Variants in INTU observed in about 807,000 individuals in gnomAD.
INTU encodes protein inturned.
Under a neutral mutation model 100.5 loss-of-function variants are expected in INTU, and 68 were observed. The ratio of observed to expected loss-of-function variants is 0.68; its 90% CI spans 0.56 to 0.83. INTU has a LOEUF of 0.83. Among genes scored for constraint, INTU ranks in the 40% least tolerant of loss-of-function variants. The pLI is 0.00. For missense variants in INTU, 1,071 were observed against 1,114.7 expected, an observed-to-expected ratio of 0.96 and a Z score of 0.56; for synonymous variants, 357 against 395.7, an observed-to-expected ratio of 0.90 and a Z score of 1.16.
In INTU at chr4:127,720,768, G is replaced by A. The variant is rs1379518222; in HGVS notation, c.*4332G>A. On this transcript the variant is annotated 3_prime_UTR_variant, in exon 16 of 16. Coordinates refer to ENST00000335251, the MANE Select transcript of INTU (RefSeq NM_015693.4). ...TTTTTTTAATCTTTATTCGTTTAAA[G>A]TCTTTGTCAGAAACTAGGATTGCAG... 2 of 151,970 alleles carry A rather than the reference G, an allele frequency of 1.3e-5. No individual in the cohort carries two copies. The highest frequency in any genetic ancestry group is 2.9e-5 in the Non-Finnish European group (2 of 67,988). 9.4% of individuals were successfully genotyped at this position (151,970 alleles called of 1,614,324 possible).
At chr4:127,708,144 A>G (rs1402223047) in intron 12 of INTU, among the ~76,000 whole-genome samples, 1 of 152,258 alleles carries the variant, frequency 6.6e-6, no homozygotes, top group Non-Finnish European at 1.5e-5. Context: ...TTACCAAGCC[A>G]TGAATAGCTC....
chr4:127,684,546 G>T (rs1261839338), intron 7 of INTU, 60 bp downstream of exon 7: 6 of 982,458 alleles, frequency 6.1e-6, no homozygotes, highest in Non-Finnish European at 7.7e-6. Context: ...GTCATCTTCT[G>T]CATTTAAGAC....
At chr4:127,671,986 C>G (rs1452225815) in intron 5 of INTU, among the ~76,000 whole-genome samples, 1 of 151,882 alleles carries the variant, frequency 6.6e-6, no homozygotes, top group Non-Finnish European at 1.5e-5. Context: ...AAATAACAGA[C>G]ATTGGAGCTT....
At chr4:127,656,390 A>G (rs536068032) in intron 2 of INTU, among the ~76,000 whole-genome samples, 1 of 152,222 alleles carries the variant, frequency 6.6e-6, no homozygotes, top group Non-Finnish European at 1.5e-5. Context: ...TTATTTTTTA[A>G]AATATTCATA....
intron 8 of INTU, among the ~76,000 whole-genome samples, chr4:127,688,647 GTTAT>G (rs1044138827): frequency 2.5e-4 from 38 of 152,248 alleles, no homozygotes; most frequent in African/African-American, 8.9e-4. Flanking sequence ...CAGCTTAATA[GTTAT>G]TTAAATTGAT....
At chr4:127,711,398 ACTCAACC>A (rs1290288931) in intron 14 of INTU, among the ~76,000 whole-genome samples, 3 of 152,130 alleles carry the variant, frequency 2.0e-5, no homozygotes, top group Non-Finnish European at 2.9e-5. Flanking sequence ...GATATCTGTG[ACTCAACC>A]ATTACTTGAG....
chr4:127,643,911 C>G lies in INTU; in HGVS notation c.537C>G (p.Leu179=). Residue 179 remains leucine (L), a synonymous_variant, in exon 2 of 16, where the codon CTC becomes CTG. Coordinates refer to ENST00000335251, the MANE Select transcript of INTU (RefSeq NM_015693.4). ...CTGTTATCAAAGCCAAAGAGCAGCT[C>G]AAGCTTCTGGAAGTGCTGGTTGGAA... The part of the protein sequence containing the change: ...KLTVIKAKEQ[L]KLLEVLVGII... The G allele has an allele frequency of 3.1e-6, 5 of 1,614,130 alleles. No individual in the cohort carries two copies. The highest frequency in any genetic ancestry group is 2.7e-5 in the African/African-American group (2 of 75,036).
chr4:127,688,429 G>A (rs894916863), intron 8 of INTU, among the ~76,000 whole-genome samples: 8 of 152,102 alleles, frequency 5.3e-5, no homozygotes. Context: ...TTGAATGATT[G>A]ACAAGATTAT....
chr4:127,644,904 T>C, intron 2 of INTU, among the ~76,000 whole-genome samples: 1 of 152,244 alleles, frequency 6.6e-6, no homozygotes, highest in East Asian at 1.9e-4. Flanking sequence ...TGTTCACTGA[T>C]TTGACAGTTT....
chr4:127,644,188 C>T, intron 2 of INTU, 132 bp downstream of exon 2: 3 of 966,810 alleles, frequency 3.1e-6, no homozygotes, highest in Non-Finnish European at 4.5e-6. Flanking sequence ...ACATTTGGTA[C>T]AGTAGAGAAA....
intron 1 of INTU, among the ~76,000 whole-genome samples, chr4:127,633,467 A>G (rs532908626): frequency 1.3e-5 from 2 of 152,262 alleles, no homozygotes; most frequent in African/African-American, 4.8e-5. Flanking sequence ...TGTCTAGGCC[A>G]TAGGAGGATA....
chr4:127,661,213 ATGT>A (rs961055387), intron 3 of INTU, among the ~76,000 whole-genome samples: 3 of 152,134 alleles, frequency 2.0e-5, no homozygotes, highest in Admixed American at 2.0e-4. Flanking sequence ...AAAATAAATG[ATGT>A]TGTTTGCCAA....
At chr4:127,650,628 C>T (rs2126185468) in intron 2 of INTU, among the ~76,000 whole-genome samples, 1 of 151,924 alleles carries the variant, frequency 6.6e-6, no homozygotes. Flanking sequence ...CATTGTTGGA[C>T]ATTTGGGTTG....
In INTU at chr4:127,706,735, G is replaced by A. The variant is rs867509982; in HGVS notation, c.2037G>A (p.Arg679=). The change falls in exon 12 of 16, where the codon AGG becomes AGA. Residue 679 remains arginine (R), a synonymous_variant. Coordinates refer to ENST00000335251, the MANE Select transcript of INTU (RefSeq NM_015693.4). Reference sequence around the variant, plus strand: ...TGACCACTTCGCCTATTCTCAGTAGGCTACAAGGTACTTCCAAAGTAGCAA... The same window carrying A: ...TGACCACTTCGCCTATTCTCAGTAGACTACAAGGTACTTCCAAAGTAGCAA... ...DSLTTSPILS[R]LQGTSKVATS... The A allele has an allele frequency of 6.2e-7, 1 of 1,614,076 alleles. No individual in the cohort carries two copies. Among genetic ancestry groups the A allele is most frequent in the East Asian group, 2.2e-5 (1 of 44,882 alleles).
At chr4:127,708,690 G>A in intron 13 of INTU, 22 bp downstream of exon 13, 2 of 1,282,306 alleles carry the variant, frequency 1.6e-6, no homozygotes. Context: ...TCTTATTCTT[G>A]TTCACTTAAA....
intron 1 of INTU, among the ~76,000 whole-genome samples, chr4:127,639,926 C>G (rs1242564195): frequency 6.6e-6 from 1 of 152,114 alleles, no homozygotes; most frequent in African/African-American, 2.4e-5. Context: ...TTACTTAACT[C>G]GGAACTATTC....
At chr4:127,677,742 C>A (rs143325974) in intron 6 of INTU, among the ~76,000 whole-genome samples, 2,854 of 152,210 alleles carry the variant, frequency 0.019, 93 homozygotes, top group African/African-American at 0.064. Context: ...CGGAACACAG[C>A]TGGACGGAGA....
chr4:127,704,480 A>G (rs892523367), intron 10 of INTU, among the ~76,000 whole-genome samples, 190 bp downstream of exon 10: 1 of 152,194 alleles, frequency 6.6e-6, no homozygotes, highest in Non-Finnish European at 1.5e-5. Flanking sequence ...GGGTACAATC[A>G]TAGCTCACTG....
At position 127,639,507 on chromosome 4, in the gene INTU, T is replaced by A. The variant is rs182156520; in HGVS notation, c.147-4014T>A. Among the ~76,000 whole-genome samples the A allele has an allele frequency of 1.6e-3, 239 of 152,210 alleles. 3 individuals are homozygous for A. In the Middle Eastern group the frequency reaches 0.027, roughly 17 times the overall value. ...GTGAAAGGTTAGGTTTTTGTGGGTT[T>A]TTTGTTGTTGTTGTTGTTAACACAT... On this transcript the variant is annotated intron_variant, in intron 1 of 15. Coordinates refer to ENST00000335251, the MANE Select transcript of INTU (RefSeq NM_015693.4).
Sources: allele counts gnomAD v4.1 joint callset (sites outside exome capture counted in the v4.1 genomes callset), GRCh38; gene constraint gnomAD v4.1.1; transcripts MANE v1.5; gene names NCBI Gene and HGNC (gene_info 2026-07-23, HGNC 2026-07-21).